The following SMAD2 variants were observed in gnomAD, a reference collection of about 807,000 sequenced individuals.
SMAD2 encodes MAD homolog 2.
A neutral mutation model predicts 64.4 loss-of-function variants in SMAD2; 8 were observed. That is an observed-to-expected ratio of 0.12 (90% CI 0.07 to 0.22). The LOEUF (loss-of-function observed/expected upper bound fraction) is 0.22. Ranked by LOEUF, SMAD2 falls within the 10% of genes least tolerant of loss-of-function variation. SMAD2 has a pLI of 1.00. For synonymous variants in SMAD2, 203 were observed against 195.8 expected, an observed-to-expected ratio of 1.04 and a Z score of -0.31; for missense variants, 289 against 561.2, an observed-to-expected ratio of 0.51 and a Z score of 4.90.
chr18:47,854,344 A>G (rs1469413956), intron 6 of SMAD2, among the ~76,000 whole-genome samples: 1 of 152,224 alleles, frequency 6.6e-6, no homozygotes, highest in Non-Finnish European at 1.5e-5. Flanking sequence ...AAATTAACAA[A>G]TGTCAAATAA....
In SMAD2 at chr18:47,841,784, G is replaced by A; in HGVS notation, c.*43C>T. 1 of 1,612,426 alleles carries A rather than the reference G, an allele frequency of 6.2e-7. No individual in the cohort carries two copies. Among genetic ancestry groups the A allele is most frequent in the South Asian group, 1.1e-5 (1 of 91,012 alleles). On this transcript the variant is annotated 3_prime_UTR_variant, in exon 11 of 11. Transcript: ENST00000262160. ...CCACACACAATGCTATGACAGAAGA[G>A]TTGTTACATTAAGTCTTTTCATGGG... is the stretch of plus-strand genomic sequence containing the variant.
chr18:47,848,249 T>C (rs926054021), intron 8 of SMAD2, among the ~76,000 whole-genome samples: 1 of 152,212 alleles, frequency 6.6e-6, no homozygotes, highest in Non-Finnish European at 1.5e-5. Context: ...ATTGAAGAAC[T>C]TTCCAGTACC....
At chr18:47,898,003 T>C (rs866499484) in intron 1 of SMAD2, among the ~76,000 whole-genome samples, 2 of 152,362 alleles carry the variant, frequency 1.3e-5, no homozygotes, top group Middle Eastern at 6.8e-3. Context: ...GTTTTCAAAG[T>C]GTATCTTTAA....
chr18:47,926,674 A>C (rs570748798), intron 1 of SMAD2, among the ~76,000 whole-genome samples: 1 of 152,232 alleles, frequency 6.6e-6, no homozygotes, highest in Non-Finnish European at 1.5e-5. Context: ...GCTTTAAGCT[A>C]TGGACTGGGA....
chr18:47,893,732 A>AT (rs1254042736), intron 2 of SMAD2, among the ~76,000 whole-genome samples: 1 of 152,184 alleles, frequency 6.6e-6, no homozygotes, highest in Non-Finnish European at 1.5e-5. Flanking sequence ...ACACAATTTA[A>AT]TTGTTCTACT....
intron 8 of SMAD2, among the ~76,000 whole-genome samples, 166 bp downstream of exon 8, chr18:47,848,309 A>T (rs901013870): frequency 6.6e-6 from 1 of 152,206 alleles, no homozygotes; most frequent in African/African-American, 2.4e-5. Flanking sequence ...CATCACCAGG[A>T]TCTATTAGAA....
At chr18:47,844,250 T>C (rs1914260462) in intron 10 of SMAD2, among the ~76,000 whole-genome samples, 1 of 152,138 alleles carries the variant, frequency 6.6e-6, no homozygotes, top group South Asian at 2.1e-4. Flanking sequence ...TTGCACAATC[T>C]CAAATCAGAT....
rs1297034363 is a variant in SMAD2, at chr18:47,850,388, AAT to A, written c.784+884_784+885del. On this transcript the variant is annotated intron_variant, in intron 7 of 10. Coordinates refer to ENST00000262160, the MANE Select transcript of SMAD2 (RefSeq NM_005901.6). ...ATAATATATATTATATATATTATAT[AAT>A]ATATATTATATATTATGTATAATAT... Among the ~76,000 whole-genome samples the A allele has an allele frequency of 1.4e-4, 3 of 21,490 alleles. 1 individual carries two copies. The highest frequency in any genetic ancestry group is 9.9e-4 in the African/African-American group (3 of 3,030). The allele number at this position is 21,490 out of a possible 152,430, so 14.1% of individuals were successfully genotyped here.
chr18:47,838,033 T>C lies in SMAD2; in HGVS notation c.*3794A>G, dbSNP rs1239025638. On this transcript the variant is annotated 3_prime_UTR_variant, in exon 11 of 11. Coordinates refer to ENST00000262160, the MANE Select transcript of SMAD2 (RefSeq NM_005901.6). ...AAAAGAGAAGGATCTTAAAGGTATA[T>C]ATGGGAAGCTTTTAAGAGGTAGAGA... 3 of 232,936 alleles carry C rather than the reference T, an allele frequency of 1.3e-5. No homozygotes were observed. The highest frequency in any genetic ancestry group is 6.1e-5 in the East Asian group (1 of 16,498). 14.4% of individuals were successfully genotyped at this position (232,936 alleles called of 1,614,324 possible). A position where few individuals can be genotyped will look rare whatever the true frequency, so the allele number is the denominator to read the frequency against.
At chr18:47,868,022 G>A (rs1019961834) in intron 5 of SMAD2, among the ~76,000 whole-genome samples, 17 of 152,028 alleles carry the variant, frequency 1.1e-4, no homozygotes, top group African/African-American at 2.7e-4. Context: ...TCTGCATCTC[G>A]CTTAGCTTCA....
intron 2 of SMAD2, among the ~76,000 whole-genome samples, chr18:47,887,242 A>G (rs773194594): frequency 4.0e-4 from 61 of 152,252 alleles, no homozygotes; most frequent in Non-Finnish European, 7.5e-4. Context: ...AAATGTCTTC[A>G]GAAATTAAAA....
Position 47,824,788 on chromosome 18 carries a change from T to TA in SMAD2, c.*17038dup, listed in dbSNP as rs1912691231. 1 of 152,230 alleles carries TA rather than the reference T, an allele frequency of 6.6e-6. No individual in the cohort carries two copies. Among genetic ancestry groups the TA allele is most frequent in the African/African-American group, 2.4e-5 (1 of 41,466 alleles). 9.4% of individuals were successfully genotyped at this position (152,230 alleles called of 1,614,324 possible). A position where few individuals can be genotyped will look rare whatever the true frequency, so the allele number is the denominator to read the frequency against. On this transcript the variant is annotated 3_prime_UTR_variant, in exon 11 of 11. Transcript: ENST00000262160. ...CATTTTTAATTTCAAACACCAAACTTAAATAGACTAATAACACAGATCTTC... is the reference window on the plus strand; with the variant it reads ...CATTTTTAATTTCAAACACCAAACTTAAAATAGACTAATAACACAGATCTTC...
rs1912251195 is a variant in SMAD2 at position 47,812,956 on chromosome 18, C to T, written c.*28871G>A. On this transcript the variant is annotated 3_prime_UTR_variant, in exon 11 of 11. Transcript: ENST00000262160. ...TCTGGCCAGGCAGGGTGACTCACAC[C>T]TGTAATCCCAGCAGTTTGGGAGACC... The T allele has an allele frequency of 6.6e-6, 1 of 152,306 alleles. No homozygotes were observed. Among genetic ancestry groups the T allele is most frequent in the African/African-American group, 2.4e-5 (1 of 41,460 alleles). 9.4% of individuals were successfully genotyped at this position (152,306 alleles called of 1,614,324 possible). A position where few individuals can be genotyped will look rare whatever the true frequency, so the allele number is the denominator to read the frequency against.
Position 47,810,963 on chromosome 18 carries a change from T to C in SMAD2, c.*30864A>G, listed in dbSNP as rs1490272569. ...TCTTGTACTCTGAAGACAGTAATTA[T>C]TAGCCTCGAAGTTTTCTGTTGGCAT... On this transcript the variant is annotated 3_prime_UTR_variant, in exon 11 of 11. Transcript: ENST00000262160. 2.6e-5 allele frequency: 4 copies of C among 152,210 alleles called. No homozygotes were observed. The East Asian group carries it at 7.7e-4, about 29-fold the overall frequency. 9.4% of individuals were successfully genotyped at this position (152,210 alleles called of 1,614,324 possible).
chr18:47,843,939 T>C (rs182718491), intron 10 of SMAD2, among the ~76,000 whole-genome samples: 171 of 149,652 alleles, frequency 1.1e-3, no homozygotes, highest in Non-Finnish European at 2.1e-4. Flanking sequence ...CTACCATATT[T>C]TGCATTATTC....
In SMAD2 at chr18:47,879,131, A is replaced by T. The variant is rs1434078990; in HGVS notation, c.237-8567T>A. ...GAGCTAGACCCTGTCTCAGAGAGAA[A>T]AATAAAAGCTGCAGATAACACAAAT... On this transcript the variant is annotated intron_variant, in intron 2 of 10. Transcript: ENST00000262160. Among the ~76,000 whole-genome samples the T allele has an allele frequency of 3.3e-5, 5 of 152,208 alleles. 1 individual carries two copies. Among genetic ancestry groups the T allele is most frequent in the Admixed American group, 3.3e-4 (5 of 15,286 alleles).
intron 2 of SMAD2, among the ~76,000 whole-genome samples, chr18:47,891,070 C>T (rs767322766): frequency 6.6e-6 from 1 of 151,922 alleles, no homozygotes; most frequent in African/African-American, 2.4e-5. Flanking sequence ...TTTGGGAGGC[C>T]GAGGCGGGCG....
At chr18:47,870,803 C>CCAA (rs1210989940) in intron 2 of SMAD2, among the ~76,000 whole-genome samples, 3 of 152,142 alleles carry the variant, frequency 2.0e-5, no homozygotes, top group Non-Finnish European at 2.9e-5. Flanking sequence ...AATGTGAACA[C>CCAA]CAACGCCCTC....
intron 7 of SMAD2, 45 bp from the exon 8 acceptor site, chr18:47,848,732 T>A (rs1381473420): frequency 7.4e-7 from 1 of 1,355,980 alleles, no homozygotes; most frequent in Non-Finnish European, 1.0e-6. Flanking sequence ...AAGAAATGCG[T>A]GAACAATTCA....
Sources: gnomAD v4.1 joint callset for allele counts (sites outside exome capture counted in the v4.1 genomes callset) on GRCh38, gnomAD v4.1.1 for gene constraint, MANE v1.5 for transcripts, NCBI Gene and HGNC (gene_info 2026-07-23, HGNC 2026-07-21) for gene names.